ITIH2: variants seen among roughly 807,000 people sequenced by gnomAD.
ITIH2 encodes inter-alpha-trypsin inhibitor heavy chain 2.
A neutral mutation model predicts 104.4 loss-of-function variants in ITIH2; 103 were observed. The observed-to-expected ratio is 0.99, with a 90% confidence interval of 0.84 to 1.16. The LOEUF (loss-of-function observed/expected upper bound fraction) is 1.16, where lower values mean the gene tolerates loss of function less well. Ranked by LOEUF, ITIH2 falls within the 50% of genes most tolerant of loss-of-function variation. ITIH2 has a pLI of 0.00. For synonymous variants in ITIH2, 436 were observed against 435.4 expected, an observed-to-expected ratio of 1.00 and a Z score of -0.02; for missense variants, 1,108 against 1,162.4, an observed-to-expected ratio of 0.95 and a Z score of 0.68.
chr10:7,715,641 A>G (rs1834841420), intron 5 of ITIH2, among the ~76,000 whole-genome samples: 1 of 152,164 alleles, frequency 6.6e-6, no homozygotes, highest in African/African-American at 2.4e-5. Context: ...GGCCATGCTC[A>G]TCTTTTTCTT....
intron 4 of ITIH2, among the ~76,000 whole-genome samples, chr10:7,709,654 G>C (rs1480841215): frequency 6.6e-6 from 1 of 152,076 alleles, no homozygotes; most frequent in African/African-American, 2.4e-5. Flanking sequence ...AGTGTGTGAT[G>C]ATTTCCTTGA....
chr10:7,725,656 A>C (rs1834944853), intron 9 of ITIH2, among the ~76,000 whole-genome samples: 2 of 152,258 alleles, frequency 1.3e-5, no homozygotes, highest in Non-Finnish European at 1.5e-5. Flanking sequence ...AAATGTAATC[A>C]GACATTGCAG....
chr10:7,725,197 G>A (rs1834941225), intron 9 of ITIH2, among the ~76,000 whole-genome samples: 1 of 152,148 alleles, frequency 6.6e-6, no homozygotes, highest in Non-Finnish European at 1.5e-5. Context: ...AATAAAAGAA[G>A]CATATGTTAA....
chr10:7,714,792 G>A (rs1026512847), intron 5 of ITIH2, among the ~76,000 whole-genome samples: 19 of 152,100 alleles, frequency 1.2e-4, no homozygotes, highest in Non-Finnish European at 1.6e-4. Flanking sequence ...CATCCTGTCT[G>A]GGGGTCCAGG....
intron 1 of ITIH2, among the ~76,000 whole-genome samples, 175 bp downstream of exon 1, chr10:7,703,693 G>A (rs113498967): frequency 2.0e-5 from 3 of 152,268 alleles, no homozygotes; most frequent in African/African-American, 7.2e-5. Context: ...ACCTTTTAAA[G>A]CATTAACAGG....
chr10:7,724,593 G>C (rs550050143), intron 9 of ITIH2, among the ~76,000 whole-genome samples: 10 of 67,362 alleles, frequency 1.5e-4, no homozygotes, highest in Admixed American at 1.3e-3. Flanking sequence ...AAAAAGAAGA[G>C]GAAGAAGACG....
At chr10:7,710,744 T>C (rs1834789848) in intron 4 of ITIH2, among the ~76,000 whole-genome samples, 2 of 152,190 alleles carry the variant, frequency 1.3e-5, no homozygotes, top group African/African-American at 4.8e-5. Context: ...CTTTAAAATG[T>C]ATCACTTTTT....
Position 7,738,640 on chromosome 10 carries a change from C to A in ITIH2, c.1977C>A (p.Ser659Arg). 1.2e-6 allele frequency: 2 copies of A among 1,613,934 alleles called. No homozygotes were observed. The highest frequency in any genetic ancestry group is 2.2e-5 in the South Asian group (2 of 91,084). Residue 659 changes from serine (S) to arginine (R), a missense_variant, in exon 16 of 21, where the codon AGC becomes AGA. Transcript: ENST00000358415. ...ACGCAGGGGCCCTGTATTACGGCAG[C>A]AAAGTGGTTCCAGATTCCACCCCGT... Reference protein sequence around the residue: ...SCCSGALYYGSKVVPDSTPSW... With the variant: ...SCCSGALYYGRKVVPDSTPSW...
At position 7,717,659 on chromosome 10, in the gene ITIH2, G is replaced by A. The variant is rs779191283; in HGVS notation, c.501G>A (p.Thr167=). The stretch of plus-strand genomic sequence containing the variant: ...CTCTTGATATGGAAAACTTCAGAAC[G>A]GAAGTAAATGTCCTCCCAGGAGCAA... The part of the protein sequence containing the change: ...SSALDMENFR[T]EVNVLPGAKV... Residue 167 remains threonine, a synonymous_variant, in exon 6 of 21, where the codon ACG becomes ACA. Coordinates refer to ENST00000358415, the MANE Select transcript of ITIH2 (RefSeq NM_002216.3). 9.3e-6 allele frequency: 15 copies of A among 1,613,812 alleles called. No individual in the cohort carries two copies. Among genetic ancestry groups the A allele is most frequent in the South Asian group, 3.3e-5 (3 of 91,070 alleles).
At position 7,748,397 on chromosome 10, in the gene ITIH2, C is replaced by T. The variant is rs182574776; in HGVS notation, c.2694-790C>T. On this transcript the variant is annotated intron_variant, in intron 20 of 20. Transcript: ENST00000358415. ...TTAAGTCTCGTTCACGCAGTGTGAA[C>T]GAGATCCTTAACAAATTGTTGGCTA... is the stretch of plus-strand genomic sequence containing the variant. 3.7e-3 allele frequency among the ~76,000 whole-genome samples: 549 copies of T among 149,450 alleles called. 2 individuals carry two copies. The highest frequency in any genetic ancestry group is 5.8e-3 in the Non-Finnish European group (391 of 67,576).
chr10:7,734,881 A>G, intron 14 of ITIH2, 41 bp from the exon 15 acceptor site: 2 of 1,556,226 alleles, frequency 1.3e-6, no homozygotes, highest in Non-Finnish European at 8.7e-7. Flanking sequence ...TCCCCCTCCA[A>G]TGCAGCCATG....
At chr10:7,737,042 A>C (rs1835061559) in intron 15 of ITIH2, among the ~76,000 whole-genome samples, 1 of 152,030 alleles carries the variant, frequency 6.6e-6, no homozygotes, top group Non-Finnish European at 1.5e-5. Context: ...TGGTTTGTAC[A>C]AGCACTTGCT....
At chr10:7,709,947 G>T (rs907395072) in intron 4 of ITIH2, among the ~76,000 whole-genome samples, 3 of 152,106 alleles carry the variant, frequency 2.0e-5, no homozygotes, top group Admixed American at 2.0e-4. Flanking sequence ...TCCGCCTCCC[G>T]GGTTCACACC....
At chr10:7,703,579 T>C (rs1564296272) in intron 1 of ITIH2, 61 bp downstream of exon 1, 2 of 1,019,594 alleles carry the variant, frequency 2.0e-6, no homozygotes, top group Non-Finnish European at 3.1e-6. Flanking sequence ...AAATCATCTA[T>C]TGGAATCGCT....
Position 7,732,363 on chromosome 10 carries a change from C to T in ITIH2, c.1673C>T (p.Thr558Ile), listed in dbSNP as rs1371289713. 1.2e-6 allele frequency: 2 copies of T among 1,614,032 alleles called. No homozygotes were observed. Among genetic ancestry groups the T allele is most frequent in the Non-Finnish European group, 1.7e-6 (2 of 1,179,952 alleles). The stretch of plus-strand genomic sequence containing the variant: ...GCTAACACGCAGTTAGTCTTGGAGA[C>T]CCTGGCCCAGATGGACGACTTGCAG... ...TSANTQLVLE[T>I]LAQMDDLQDF... Residue 558 changes from threonine to isoleucine, a missense_variant, in exon 14 of 21, where the codon ACC (threonine) becomes ATC (isoleucine). By Grantham distance (89) the Thr-to-Ile change is moderately conservative. Transcript: ENST00000358415.
At chr10:7,743,828 A>G (rs1412062457) in intron 17 of ITIH2, among the ~76,000 whole-genome samples, 1 of 152,120 alleles carries the variant, frequency 6.6e-6, no homozygotes, top group Non-Finnish European at 1.5e-5. Context: ...TCAATTATTT[A>G]AATTTTATAA....
chr10:7,740,474 T>C lies in ITIH2; in HGVS notation c.2095+1716T>C, dbSNP rs183398799. Among the ~76,000 whole-genome samples the C allele has an allele frequency of 3.3e-4, 50 of 152,342 alleles. 3 individuals are homozygous for C. The highest frequency in any genetic ancestry group is 2.5e-3 in the East Asian group (13 of 5,180). ...GAGGAGCAGTTGCTTTTACTGTGCC[T>C]TTCTGACCAGCAGTTTCTGAGAGCC... On this transcript the variant is annotated intron_variant, in intron 16 of 20. Transcript: ENST00000358415.
chr10:7,746,845 A>G lies in ITIH2; in HGVS notation c.2693+141A>G, dbSNP rs926813521. 4 of 587,978 alleles carry G rather than the reference A, an allele frequency of 6.8e-6. No homozygotes were observed. In the Admixed American group the frequency reaches 1.1e-4, roughly 17 times the overall value. The allele number at this position is 587,978 out of a possible 1,614,324, so 36.4% of individuals were successfully genotyped here. A position where few individuals can be genotyped will look rare whatever the true frequency, so the allele number is the denominator to read the frequency against. ...CAGTTCATTAGGAATAGACGCACAC[A>G]GCATTCGCATAAGGACACTTCTGAT... On this transcript the variant is annotated intron_variant, in intron 20 of 20. Coordinates refer to ENST00000358415, the MANE Select transcript of ITIH2 (RefSeq NM_002216.3).
rs181399280 is a variant in ITIH2 at position 7,734,880 on chromosome 10, A to C, written c.1788-42A>C. The C allele has an allele frequency of 2.1e-4, 329 of 1,542,858 alleles. 2 individuals are homozygous for C. The East Asian group carries it at 4.3e-3, about 20-fold the overall frequency. On this transcript the variant is annotated intron_variant, in intron 14 of 20. Transcript: ENST00000358415. ...GGGAGCTGACTTGCGCTCCCCCTCCAATGCAGCCATGCTCCATAACACCTC... is the reference window on the plus strand; with the variant it reads ...GGGAGCTGACTTGCGCTCCCCCTCCCATGCAGCCATGCTCCATAACACCTC...
Sources: gnomAD v4.1 joint callset for allele counts (sites outside exome capture counted in the v4.1 genomes callset) on GRCh38, gnomAD v4.1.1 for gene constraint, MANE v1.5 for transcripts, NCBI Gene and HGNC (gene_info 2026-07-23, HGNC 2026-07-21) for gene names.